ARFIP1: variants seen among roughly 807,000 people sequenced by gnomAD.
ARFIP1 encodes ARF interacting protein 1.
Under a neutral mutation model 42.5 loss-of-function variants are expected in ARFIP1, and 24 were observed. The observed-to-expected ratio is 0.57, with a 90% CI of 0.41 to 0.80. The LOEUF (loss-of-function observed/expected upper bound fraction) is 0.80, where lower values mean the gene tolerates loss of function less well. Among genes scored for constraint, ARFIP1 ranks in the 30% least tolerant of loss-of-function variants. The pLI is 0.00. For missense variants in ARFIP1, 354 were observed against 434.0 expected, an observed-to-expected ratio of 0.82 and a Z score of 1.64; for synonymous variants, 141 against 153.7, an observed-to-expected ratio of 0.92 and a Z score of 0.61.
intron 7 of ARFIP1, among the ~76,000 whole-genome samples, chr4:152,885,958 T>G (rs1315920982): frequency 5.3e-5 from 8 of 151,994 alleles, no homozygotes; most frequent in Non-Finnish European, 8.8e-5. Context: ...ATTTATAGAT[T>G]GAAAAACTGG....
At chr4:152,833,578 C>T (rs1280003461) in intron 2 of ARFIP1, among the ~76,000 whole-genome samples, 2 of 152,116 alleles carry the variant, frequency 1.3e-5, no homozygotes, top group African/African-American at 4.8e-5. Context: ...TTCTTTGCAG[C>T]ATTATAAACA....
At chr4:152,886,018 G>C (rs1176005578) in intron 7 of ARFIP1, among the ~76,000 whole-genome samples, 1 of 152,018 alleles carries the variant, frequency 6.6e-6, no homozygotes, top group South Asian at 2.1e-4. Flanking sequence ...AAAAGGCAGA[G>C]AGGTCATTCA....
At chr4:152,787,637 C>T (rs1730886592) in intron 1 of ARFIP1, among the ~76,000 whole-genome samples, 1 of 152,226 alleles carries the variant, frequency 6.6e-6, no homozygotes, top group Non-Finnish European at 1.5e-5. Context: ...GAGATAGTGA[C>T]ACCTTTGCTT....
chr4:152,899,697 G>A (rs1737660123), intron 8 of ARFIP1, among the ~76,000 whole-genome samples: 1 of 152,156 alleles, frequency 6.6e-6, no homozygotes, highest in African/African-American at 2.4e-5. Flanking sequence ...CTGCTAGTCG[G>A]TTTTTGCCCC....
chr4:152,861,565 C>G (rs1199241246), intron 2 of ARFIP1, among the ~76,000 whole-genome samples: 4 of 152,146 alleles, frequency 2.6e-5, no homozygotes, highest in African/African-American at 9.7e-5. Context: ...ACTTCTTCAG[C>G]AAACATTCCA....
intron 1 of ARFIP1, among the ~76,000 whole-genome samples, chr4:152,818,418 G>T (rs762977598): frequency 1.3e-5 from 2 of 152,190 alleles, no homozygotes; most frequent in Non-Finnish European, 2.9e-5. Context: ...ATATGGGAAG[G>T]AGCCCCATCA....
At chr4:152,812,961 G>A (rs1247563811) in intron 1 of ARFIP1, among the ~76,000 whole-genome samples, 2 of 151,830 alleles carry the variant, frequency 1.3e-5, no homozygotes, top group African/African-American at 4.8e-5. Context: ...TGACTATATT[G>A]TAAAATAGTC....
intron 1 of ARFIP1, among the ~76,000 whole-genome samples, chr4:152,811,428 T>G (rs1729456031): frequency 6.6e-6 from 1 of 152,128 alleles, no homozygotes; most frequent in African/African-American, 2.4e-5. Context: ...AGAAGAGAGA[T>G]CATTTGAGCT....
At chr4:152,820,478 A>G (rs1197187563) in intron 1 of ARFIP1, among the ~76,000 whole-genome samples, 5 of 152,194 alleles carry the variant, frequency 3.3e-5, no homozygotes, top group African/African-American at 1.2e-4. Flanking sequence ...TAATTTATGA[A>G]GAAAAGAGGC....
intron 7 of ARFIP1, among the ~76,000 whole-genome samples, chr4:152,887,048 A>G (rs1736321827): frequency 6.6e-6 from 1 of 151,998 alleles, no homozygotes; most frequent in African/African-American, 2.4e-5. Flanking sequence ...TATACACCTA[A>G]TATCTCCAAA....
intron 1 of ARFIP1, among the ~76,000 whole-genome samples, chr4:152,787,175 A>G (rs1205914527): frequency 6.6e-6 from 1 of 152,216 alleles, no homozygotes; most frequent in African/African-American, 2.4e-5. Flanking sequence ...TTAAATTTCC[A>G]AGTTAATGGT....
intron 1 of ARFIP1, among the ~76,000 whole-genome samples, chr4:152,794,799 A>G (rs556149954): frequency 6.9e-4 from 105 of 152,290 alleles, no homozygotes; most frequent in African/African-American, 2.5e-3. Context: ...GTTTATATCA[A>G]TATGGACTCA....
At chr4:152,866,533 G>A (rs1459926913) in intron 3 of ARFIP1, among the ~76,000 whole-genome samples, 3 of 104,112 alleles carry the variant, frequency 2.9e-5, no homozygotes, top group Non-Finnish European at 6.1e-5. Flanking sequence ...GGGGCGGCTG[G>A]CCGCGCGGGG....
chr4:152,807,637 TTA>T (rs1391042250), intron 1 of ARFIP1, among the ~76,000 whole-genome samples: 2 of 152,218 alleles, frequency 1.3e-5, no homozygotes, highest in African/African-American at 4.8e-5. Flanking sequence ...CAAGAGTTAT[TTA>T]TATGTCTTTG....
chr4:152,781,018 A>G (rs1045637852), intron 1 of ARFIP1, among the ~76,000 whole-genome samples: 2 of 152,114 alleles, frequency 1.3e-5, no homozygotes, highest in Non-Finnish European at 2.9e-5. Flanking sequence ...GTTTTCTCCT[A>G]AAGTATAAAA....
chr4:152,874,159 TTCTTGCATC>T (rs1454249842), intron 5 of ARFIP1, among the ~76,000 whole-genome samples: 14 of 152,248 alleles, frequency 9.2e-5, no homozygotes, highest in African/African-American at 2.4e-4. Context: ...TTATCTGCTA[TTCTTGCATC>T]TCTTATCTCT....
chr4:152,883,615 C>T (rs1736025515), intron 7 of ARFIP1, among the ~76,000 whole-genome samples: 1 of 151,282 alleles, frequency 6.6e-6, no homozygotes, highest in African/African-American at 2.4e-5. Flanking sequence ...TTTGTATATC[C>T]ATATTCATAT....
chr4:152,785,954 T>C (rs1234417596), intron 1 of ARFIP1, among the ~76,000 whole-genome samples: 2 of 152,236 alleles, frequency 1.3e-5, no homozygotes, highest in Non-Finnish European at 2.9e-5. Flanking sequence ...CCAGCCCTGA[T>C]AAAACTTTAA....
At chr4:152,903,827 G>GC (rs2149911828) in intron 8 of ARFIP1, among the ~76,000 whole-genome samples, 1 of 152,100 alleles carries the variant, frequency 6.6e-6, no homozygotes, top group Admixed American at 6.5e-5. Context: ...CTGTCTCTGT[G>GC]TTTAGTCAGC....
Sources: gnomAD v4.1 joint callset for allele counts (sites outside exome capture counted in the v4.1 genomes callset) on GRCh38, gnomAD v4.1.1 for gene constraint, MANE v1.5 for transcripts, NCBI Gene and HGNC (gene_info 2026-07-23, HGNC 2026-07-21) for gene names.